The following TLCD3B variants were observed in gnomAD, a reference collection of about 807,000 sequenced individuals.
TLCD3B encodes the protein TLC domain containing 3B.
A neutral mutation model predicts 23.0 loss-of-function variants in TLCD3B; 9 were observed. That is an observed-to-expected ratio of 0.39 (90% CI 0.24 to 0.68). The LOEUF is 0.68. Among genes scored for constraint, TLCD3B ranks in the 30% least tolerant of loss-of-function variants. TLCD3B has a pLI of 0.44. For synonymous variants in TLCD3B, 161 were observed against 161.0 expected, an observed-to-expected ratio of 1.00 and a Z score of 0.00; for missense variants, 307 against 371.8, an observed-to-expected ratio of 0.83 and a Z score of 1.43.
Position 30,026,688 on chromosome 16 carries a change from G to A in TLCD3B, c.365C>T (p.Ala122Val), listed in dbSNP as rs755480627. The A allele has an allele frequency of 2.2e-5, 35 of 1,613,808 alleles. 1 individual carries two copies. Among genetic ancestry groups the A allele is most frequent in the South Asian group, 1.6e-4 (15 of 91,080 alleles). ...GAACTCCTTGTGCAGGTAGCCACGCGCTATGGCCCACGTGCTGCCCGGGGC... is the reference window on the plus strand; with the variant it reads ...GAACTCCTTGTGCAGGTAGCCACGCACTATGGCCCACGTGCTGCCCGGGGC... ...ARAPGSTWAI[A>V]RGYLHKEFLM... The change falls in exon 3 of 5, where the codon GCG (alanine) becomes GTG (valine). Residue 122 changes from alanine to valine, a missense_variant. Transcript: ENST00000380495.
chr16:30,043,888 G>A (rs887203345), intron 2 of TLCD3B, among the ~76,000 whole-genome samples: 2 of 151,876 alleles, frequency 1.3e-5, no homozygotes, highest in African/African-American at 4.8e-5. Context: ...GTTTCGCCAT[G>A]TTGCTCATGC....
At position 30,052,612 on chromosome 16, in the gene TLCD3B, A is replaced by G. The variant is rs182964795; in HGVS notation, c.-294+162T>C. ...CTCGGGAGGCTGAGGCAGGTGAATC[A>G]CTTGAACACGGGAGGCGGAGGTTGC... On this transcript the variant is annotated intron_variant, in intron 1 of 6. Coordinates refer to the TLCD3B transcript ENST00000561666. Among the ~76,000 whole-genome samples the G allele has an allele frequency of 8.3e-3, 1,265 of 151,850 alleles. 6 individuals are homozygous for G. The highest frequency in any genetic ancestry group is 0.029 in the African/African-American group (1,182 of 41,430).
Position 30,030,865 on chromosome 16 carries a change from G to A in TLCD3B, c.-338C>T. 1.2e-6 allele frequency: 1 copy of A among 868,090 alleles called. No individual in the cohort carries two copies. Among genetic ancestry groups the A allele is most frequent in the Non-Finnish European group, 1.4e-6 (1 of 719,094 alleles). 53.8% of individuals were successfully genotyped at this position (868,090 alleles called of 1,614,324 possible). A position where few individuals can be genotyped will look rare whatever the true frequency, so the allele number is the denominator to read the frequency against. Reference sequence around the variant, plus strand: ...CAGGAGGAGGAGGATGCGGATGGGGGAGGGGAGGGAGCCACCAGGCAGGTG... The same window carrying A: ...CAGGAGGAGGAGGATGCGGATGGGGAAGGGGAGGGAGCCACCAGGCAGGTG... On this transcript the variant is annotated 5_prime_UTR_variant, in exon 1 of 5. Transcript: ENST00000380495.
At chr16:30,027,305 T>C (rs1443001383) in intron 2 of TLCD3B, 6 of 396,250 alleles carry the variant, frequency 1.5e-5, no homozygotes, top group South Asian at 7.3e-5. Flanking sequence ...GGACAGGCGA[T>C]CTTCCAAACT....
rs748123651 is a variant in TLCD3B at position 30,025,608 on chromosome 16, A to G, written c.540+118T>C. On this transcript the variant is annotated intron_variant, in intron 4 of 4. Coordinates refer to ENST00000380495, the MANE Select transcript of TLCD3B (RefSeq NM_031478.6). The surrounding 1 kb of genome is among the most constrained non-coding windows in gnomAD (Gnocchi z 4.1). ...AGGACACAAGCACCAGGTGCTCAAAATGCACGGGGTGAGGGGGGGATGACG... is the reference window on the plus strand; with the variant it reads ...AGGACACAAGCACCAGGTGCTCAAAGTGCACGGGGTGAGGGGGGGATGACG... The G allele has an allele frequency of 2.1e-6, 3 of 1,445,514 alleles. No homozygotes were observed. Among genetic ancestry groups the G allele is most frequent in the East Asian group, 2.3e-5 (1 of 44,062 alleles). 89.5% of individuals were successfully genotyped at this position (1,445,514 alleles called of 1,614,324 possible).
upstream of TLCD3B, chr16:30,033,679 G>A (rs1455546645): frequency 2.6e-5 from 4 of 152,220 alleles, no homozygotes; most frequent in East Asian, 1.9e-4. Flanking sequence ...ATTGGAAGAG[G>A]TTGGGCGTGG....
chr16:30,051,553 A>AAAAGAAAG (rs58768328), intron 1 of TLCD3B, among the ~76,000 whole-genome samples: 1 of 151,340 alleles, frequency 6.6e-6, no homozygotes, highest in African/African-American at 2.4e-5. Flanking sequence ...AAGAAAAGAA[A>AAAAGAAAG]AAAGAAAGAA....
At chr16:30,027,260 A>G (rs569613088) in intron 2 of TLCD3B, 281 of 438,436 alleles carry the variant, frequency 6.4e-4, no homozygotes, top group Non-Finnish European at 8.7e-4. Context: ...CTGGAGAGAG[A>G]GGTCACAGGG....
intron 3 of TLCD3B, among the ~76,000 whole-genome samples, chr16:30,039,475 T>A (rs926602958): frequency 1.3e-5 from 2 of 151,956 alleles, no homozygotes; most frequent in African/African-American, 4.8e-5. Flanking sequence ...CAGACTGGAA[T>A]GCAATGGCAT....
At chr16:30,048,286 T>C (rs529704409) in intron 1 of TLCD3B, among the ~76,000 whole-genome samples, 9 of 152,116 alleles carry the variant, frequency 5.9e-5, no homozygotes, top group African/African-American at 2.2e-4. Flanking sequence ...ATTTTTCTTT[T>C]TTTTTTGTAG....
intron 3 of TLCD3B, among the ~76,000 whole-genome samples, chr16:30,038,159 C>A (rs2071508794): frequency 6.6e-6 from 1 of 152,154 alleles, no homozygotes; most frequent in East Asian, 1.9e-4. Context: ...CTTCCTTTCT[C>A]TGAATGATGG....
At chr16:30,041,776 C>T (rs1198079838) in intron 2 of TLCD3B, among the ~76,000 whole-genome samples, 10 of 151,762 alleles carry the variant, frequency 6.6e-5, no homozygotes, top group South Asian at 2.1e-4. Flanking sequence ...GGCGCCCAGC[C>T]GAGATATCTT....
At chr16:30,047,299 GC>G (rs1266772146) in intron 1 of TLCD3B, among the ~76,000 whole-genome samples, 1 of 151,936 alleles carries the variant, frequency 6.6e-6, no homozygotes, top group South Asian at 2.1e-4. Flanking sequence ...ACCGTGCCTG[GC>G]TAATTTTTGC....
chr16:30,049,304 A>G (rs1300974928), intron 1 of TLCD3B, among the ~76,000 whole-genome samples: 1 of 152,096 alleles, frequency 6.6e-6, no homozygotes, highest in East Asian at 1.9e-4. Context: ...CCTCTTCTTA[A>G]TCTCTGGGAG....
chr16:30,033,046 GA>G (rs1416113972), upstream of TLCD3B: 3 of 152,096 alleles, frequency 2.0e-5, no homozygotes, highest in Non-Finnish European at 2.9e-5. Context: ...TCATGAGATC[GA>G]GACCATCCTG....
upstream of TLCD3B, among the ~76,000 whole-genome samples, chr16:30,034,523 C>T (rs12102601): frequency 3.3e-5 from 5 of 151,872 alleles, no homozygotes; most frequent in East Asian, 7.7e-4. Flanking sequence ...GAGCCATGAT[C>T]GTGCCACTGC....
Position 30,024,565 on chromosome 16 carries a change from T to C in TLCD3B, c.*618A>G, listed in dbSNP as rs1241848326. ...GCCCGAGGGCGCGATGTGCAGCCGA[T>C]GGTGAGGGACTGGGCGCCCTCGCCT... On this transcript the variant is annotated 3_prime_UTR_variant, in exon 5 of 5. Transcript: ENST00000380495. 1 of 370,130 alleles carries C rather than the reference T, an allele frequency of 2.7e-6. No homozygotes were observed. Among genetic ancestry groups the C allele is most frequent in the African/African-American group, 2.1e-5 (1 of 48,514 alleles). The allele number at this position is 370,130 out of a possible 1,614,324, so 22.9% of individuals were successfully genotyped here. A position where few individuals can be genotyped will look rare whatever the true frequency, so the allele number is the denominator to read the frequency against.
At chr16:30,040,147 A>AATATATATATATATATATATATAT (rs1192651776) in intron 3 of TLCD3B, among the ~76,000 whole-genome samples, 2 of 95,904 alleles carry the variant, frequency 2.1e-5, no homozygotes, top group African/African-American at 8.7e-5. Flanking sequence ...AAAAAAAAAA[A>AATATATATATATATATATATATAT]ATATATATAT....
intron 3 of TLCD3B, among the ~76,000 whole-genome samples, chr16:30,036,811 G>A (rs1331605757): frequency 6.6e-6 from 1 of 152,150 alleles, no homozygotes; most frequent in Non-Finnish European, 1.5e-5. Flanking sequence ...AGGGCCGGGC[G>A]TGGTGACTCA....
Sources: allele counts gnomAD v4.1 joint callset (sites outside exome capture counted in the v4.1 genomes callset), GRCh38; gene constraint gnomAD v4.1.1; non-coding constraint Gnocchi (gnomAD v3.1); transcripts MANE v1.5; gene names NCBI Gene and HGNC (gene_info 2026-07-23, HGNC 2026-07-21).